The following PARL variants were observed in gnomAD, a reference collection of about 807,000 sequenced individuals.
The protein encoded by PARL is presenilin-associated rhomboid-like protein, mitochondrial.
A neutral mutation model predicts 51.6 loss-of-function variants in PARL; 44 were observed. That is an observed-to-expected ratio of 0.85 (90% CI 0.67 to 1.10). The LOEUF is 1.10. Among genes scored for constraint, PARL ranks in the 50% least tolerant of loss-of-function variants. The probability of loss-of-function intolerance (pLI) is 0.00; values close to 1 mark genes in which losing one functional copy is unlikely to be tolerated. For synonymous variants in PARL, 172 were observed against 164.0 expected (o/e 1.05, Z -0.37); for missense variants, 441 against 469.5 (o/e 0.94, Z 0.56).
chr3:183,844,527 T>C, intron 4 of PARL: 1 of 534,304 alleles, frequency 1.9e-6, no homozygotes, highest in Non-Finnish European at 3.4e-6. Flanking sequence ...AGTCACAGAA[T>C]TCCTGGGAAA....
chr3:183,843,313 A>G (rs1729559186), intron 5 of PARL: 1 of 985,180 alleles, frequency 1.0e-6, no homozygotes, highest in Non-Finnish European at 1.2e-6. Context: ...ATTAGAAAAA[A>G]ATAAGCAGTC....
downstream of PARL, among the ~76,000 whole-genome samples, chr3:183,828,455 GAT>G (rs1411948898): frequency 6.6e-6 from 1 of 152,216 alleles, no homozygotes; most frequent in South Asian, 2.1e-4. Flanking sequence ...TGATGGCTAA[GAT>G]AACTCTCTCC....
chr3:183,828,360 A>G (rs1727578072), downstream of PARL, among the ~76,000 whole-genome samples: 1 of 148,368 alleles, frequency 6.7e-6, no homozygotes, highest in Non-Finnish European at 1.5e-5. Flanking sequence ...TCTGTGTTGC[A>G]GAGTTGTTAG....
intron 1 of PARL, among the ~76,000 whole-genome samples, chr3:183,870,617 C>G (rs1733079607): frequency 6.6e-6 from 1 of 152,174 alleles, no homozygotes; most frequent in Admixed American, 6.5e-5. Flanking sequence ...TACTGCCCCA[C>G]TCCAAGTGCA....
intron 1 of PARL, among the ~76,000 whole-genome samples, chr3:183,875,581 T>C (rs1241079450): frequency 6.6e-6 from 1 of 152,064 alleles, no homozygotes; most frequent in African/African-American, 2.4e-5. Context: ...GCTGAAAGAA[T>C]TGAGGAAGCT....
chr3:183,827,343 A>G (rs1727490519), downstream of PARL, among the ~76,000 whole-genome samples: 1 of 152,036 alleles, frequency 6.6e-6, no homozygotes, highest in Non-Finnish European at 1.5e-5. Context: ...AGTGCCAGCT[A>G]CTTGGAGGCT....
chr3:183,841,370 T>G (rs1250059832), intron 6 of PARL, among the ~76,000 whole-genome samples: 1 of 152,198 alleles, frequency 6.6e-6, no homozygotes, highest in African/African-American at 2.4e-5. Context: ...TAGATACACA[T>G]AAGTATTCGA....
intron 1 of PARL, among the ~76,000 whole-genome samples, chr3:183,881,214 T>C (rs1283494469): frequency 6.6e-6 from 1 of 151,634 alleles, no homozygotes; most frequent in African/African-American, 2.4e-5. Context: ...CTCTGCCTCC[T>C]GGGTTCAAGG....
chr3:183,839,306 T>C (rs935342634), intron 7 of PARL, among the ~76,000 whole-genome samples: 10 of 152,244 alleles, frequency 6.6e-5, no homozygotes, highest in Non-Finnish European at 1.3e-4. Flanking sequence ...AATGAATTAG[T>C]ATTTAAATAA....
chr3:183,854,742 T>TTTTTTTAAA (rs1560401623), intron 4 of PARL, among the ~76,000 whole-genome samples: 1 of 140,156 alleles, frequency 7.1e-6, no homozygotes, highest in Non-Finnish European at 1.5e-5. Flanking sequence ...TTTTTTTTTT[T>TTTTTTTAAA]ACAATTAAAA....
intron 7 of PARL, among the ~76,000 whole-genome samples, chr3:183,837,800 A>G (rs1728810716): frequency 6.6e-6 from 1 of 152,132 alleles, no homozygotes; most frequent in Non-Finnish European, 1.5e-5. Context: ...AGAACCAGAA[A>G]AATCTCAACT....
rs374991106 is a variant in PARL, at chr3:183,867,443, G to A, written c.321+422C>T. Among the ~76,000 whole-genome samples the A allele has an allele frequency of 1.1e-4, 16 of 152,124 alleles. No individual in the cohort carries two copies. The East Asian group carries it at 1.7e-3, about 17-fold the overall frequency. On this transcript the variant is annotated intron_variant, in intron 2 of 9. Transcript: ENST00000317096. ...AGGCCGGGCGCAGTGGCTCACTCCT[G>A]TAATCCCAGAACTTTGGGAGGCCAA...
chr3:183,883,694 G>GAAGA, intron 1 of PARL: 5 of 984,888 alleles, frequency 5.1e-6, no homozygotes, highest in Non-Finnish European at 6.0e-6. Flanking sequence ...CTATGTTAGT[G>GAAGA]TATGAAGATA....
At chr3:183,874,075 G>A (rs1417374975) in intron 1 of PARL, among the ~76,000 whole-genome samples, 12 of 152,090 alleles carry the variant, frequency 7.9e-5, no homozygotes, top group Admixed American at 1.3e-4. Context: ...AACAGCATGC[G>A]CTCACTTGGT....
chr3:183,858,803 G>A (rs73887539), intron 4 of PARL, among the ~76,000 whole-genome samples: 7,588 of 151,974 alleles, frequency 0.05, 659 homozygotes, highest in African/African-American at 0.17. Flanking sequence ...AGAATGCCAC[G>A]TTATACTCCC....
At chr3:183,877,258 C>T (rs111485412) in intron 1 of PARL, among the ~76,000 whole-genome samples, 3,103 of 152,178 alleles carry the variant, frequency 0.02, 89 homozygotes, top group African/African-American at 0.072. Flanking sequence ...GAAGTGGAGC[C>T]TGAAGATGTG....
chr3:183,871,564 T>G (rs1422474396), intron 1 of PARL, among the ~76,000 whole-genome samples: 1 of 146,626 alleles, frequency 6.8e-6, no homozygotes, highest in Admixed American at 6.8e-5. Flanking sequence ...GAAGAACTAA[T>G]CATACATCAT....
In PARL at chr3:183,866,559, T is replaced by C. The variant is rs1420765995; in HGVS notation, c.462+66A>G. On this transcript the variant is annotated intron_variant, in intron 3 of 9. Coordinates refer to ENST00000317096, the MANE Select transcript of PARL (RefSeq NM_018622.7). ...ATCATGTACACTGAAAACACGTGCA[T>C]CTATTAAGTATCAGTTTTTTAAAAC... is the stretch of plus-strand genomic sequence containing the variant. The C allele has an allele frequency of 7.8e-6, 10 of 1,289,708 alleles. No homozygotes were observed. The Admixed American group carries it at 1.0e-4, about 13-fold the overall frequency. The allele number at this position is 1,289,708 out of a possible 1,614,324, so 79.9% of individuals were successfully genotyped here.
intron 3 of PARL, 143 bp from the exon 4 acceptor site, chr3:183,862,944 G>A: frequency 1.4e-6 from 1 of 729,004 alleles, no homozygotes; most frequent in South Asian, 1.5e-5. Flanking sequence ...TAAATACGTG[G>A]TAGAGTGGAA....
Sources: allele counts gnomAD v4.1 joint callset (sites outside exome capture counted in the v4.1 genomes callset), GRCh38; gene constraint gnomAD v4.1.1; transcripts MANE v1.5; gene names NCBI Gene and HGNC (gene_info 2026-07-23, HGNC 2026-07-21).